The following TUBGCP2 variants were observed in gnomAD, a reference collection of about 807,000 sequenced individuals.
TUBGCP2 encodes the protein gamma-tubulin complex component 2.
Under a neutral mutation model 92.2 loss-of-function variants are expected in TUBGCP2, and 55 were observed. The observed-to-expected ratio is 0.60, with a 90% CI of 0.48 to 0.75. The LOEUF (loss-of-function observed/expected upper bound fraction) is 0.75, where lower values mean the gene tolerates loss of function less well. TUBGCP2 is among the 30% of genes least tolerant of loss of function. TUBGCP2 has a pLI of 0.00. For missense variants in TUBGCP2, 1,093 were observed against 1,188.9 expected, an observed-to-expected ratio of 0.92 and a Z score of 1.19; for synonymous variants, 533 against 505.2, an observed-to-expected ratio of 1.06 and a Z score of -0.74.
intron 7 of TUBGCP2, 149 bp downstream of exon 7, chr10:133,292,890 A>G: frequency 9.1e-7 from 1 of 1,095,544 alleles, no homozygotes; most frequent in East Asian, 2.6e-5. Flanking sequence ...CTTGCAAGTT[A>G]ATAGCACATG....
intron 1 of TUBGCP2, chr10:133,308,603 C>T (rs2136148229): frequency 5.8e-6 from 1 of 170,960 alleles, no homozygotes; most frequent in African/African-American, 2.4e-5. Flanking sequence ...GCCCGCTCCG[C>T]CCCGCCCCGG....
Position 133,288,837 on chromosome 10 carries a change from C to A in TUBGCP2, c.1541+3G>T. The A allele has an allele frequency of 1.2e-6, 2 of 1,606,668 alleles. No homozygotes were observed. Among genetic ancestry groups the A allele is most frequent in the East Asian group, 2.2e-5 (1 of 44,512 alleles). On this transcript the variant is annotated splice_donor_region_variant and intron_variant, in intron 10 of 17. Coordinates refer to ENST00000252936, the MANE Select transcript of TUBGCP2 (RefSeq NM_006659.4). ...CCCGCACAGGGACAGGGCACGGAAT[C>A]ACCTGAGGTGAGCCACCAGCTCCTT...
At chr10:133,309,710 G>T, upstream of TUBGCP2, 3 of 1,574,732 alleles carry the variant, frequency 1.9e-6, no homozygotes, top group Non-Finnish European at 2.6e-6. Context: ...AAGGGAAACT[G>T]TGCAGAAAGT....
chr10:133,300,988 G>A (rs1011465138), intron 2 of TUBGCP2, among the ~76,000 whole-genome samples: 3 of 152,074 alleles, frequency 2.0e-5, no homozygotes, highest in African/African-American at 7.3e-5. Flanking sequence ...TTGTACTGGA[G>A]AGTAGCGACT....
intron 9 of TUBGCP2, among the ~76,000 whole-genome samples, chr10:133,289,611 G>A (rs1016745530): frequency 2.0e-5 from 3 of 152,184 alleles, no homozygotes; most frequent in African/African-American, 4.8e-5. Flanking sequence ...GAAACCTGAG[G>A]GAACCTGGCA....
chr10:133,280,577 G>A (rs1846941359), intron 17 of TUBGCP2, among the ~76,000 whole-genome samples: 1 of 152,216 alleles, frequency 6.6e-6, no homozygotes, highest in East Asian at 1.9e-4. Context: ...CAGCCGCAGG[G>A]TGCCAATGGG....
chr10:133,285,349 G>T lies in TUBGCP2; in HGVS notation c.1895+107C>A. 1 of 1,588,434 alleles carries T rather than the reference G, an allele frequency of 6.3e-7. No homozygotes were observed. Among genetic ancestry groups the T allele is most frequent in the Non-Finnish European group, 8.6e-7 (1 of 1,168,662 alleles). Reference sequence around the variant, plus strand: ...TCTCGGACACTGAAGGCCGGGGAGAGCCGCCTTGGGTCCTCTGTGGGACGA... The same window carrying T: ...TCTCGGACACTGAAGGCCGGGGAGATCCGCCTTGGGTCCTCTGTGGGACGA... On this transcript the variant is annotated intron_variant, in intron 12 of 17. Transcript: ENST00000252936. The surrounding 1 kb of genome is among the most constrained non-coding windows in gnomAD (Gnocchi z 6.8).
At chr10:133,283,604 C>T (rs1237765956) in intron 14 of TUBGCP2, among the ~76,000 whole-genome samples, 1 of 137,310 alleles carries the variant, frequency 7.3e-6, no homozygotes, top group Admixed American at 6.9e-5. Context: ...AGTGTGGGTG[C>T]AGCCCCGCCC....
chr10:133,292,836 G>A, intron 7 of TUBGCP2, 148 bp from the exon 8 acceptor site: 1 of 1,164,154 alleles, frequency 8.6e-7, no homozygotes, highest in South Asian at 1.6e-5. Flanking sequence ...TAAGGTTGTA[G>A]TTGCTGATTT....
intron 5 of TUBGCP2, among the ~76,000 whole-genome samples, chr10:133,296,997 T>C (rs973150941): frequency 2.0e-5 from 3 of 152,134 alleles, no homozygotes; most frequent in Admixed American, 6.5e-5. Context: ...CCGTGAGTAG[T>C]GGGGAAGCAG....
chr10:133,283,708 A>T lies in TUBGCP2; in HGVS notation c.2145+174T>A, dbSNP rs796841076. Among the ~76,000 whole-genome samples the T allele has an allele frequency of 2.2e-3, 42 of 18,884 alleles. No homozygotes were observed. In the East Asian group the frequency reaches 0.043, roughly 19 times the overall value. The allele number at this position is 18,884 out of a possible 152,430, so 12.4% of individuals were successfully genotyped here. On this transcript the variant is annotated intron_variant, in intron 14 of 17. Transcript: ENST00000252936. ...CTCCCGCATTCCCTGCCTCTCCCGC[A>T]CGCCCTGCCTCTCCCGCACTCCCTG...
upstream of TUBGCP2, chr10:133,310,542 G>T (rs761291642): frequency 8.5e-5 from 44 of 518,220 alleles, no homozygotes; most frequent in Non-Finnish European, 1.4e-4. Flanking sequence ...AGGGGGTGTG[G>T]GAATGAGCGG....
intron 5 of TUBGCP2, chr10:133,295,325 C>CAGT (rs1038615097): frequency 1.3e-5 from 2 of 152,296 alleles, no homozygotes; most frequent in African/African-American, 4.8e-5. Flanking sequence ...TGCACACCTG[C>CAGT]AGTCCCAGCT....
chr10:133,288,834 A>T lies in TUBGCP2; in HGVS notation c.1541+6T>A. 6.2e-7 allele frequency: 1 copy of T among 1,603,526 alleles called. No individual in the cohort carries two copies. Among genetic ancestry groups the T allele is most frequent in the African/African-American group, 1.3e-5 (1 of 74,792 alleles). On this transcript the variant is annotated splice_donor_region_variant and intron_variant, in intron 10 of 17. Coordinates refer to ENST00000252936, the MANE Select transcript of TUBGCP2 (RefSeq NM_006659.4). ...GTGCCCGCACAGGGACAGGGCACGG[A>T]ATCACCTGAGGTGAGCCACCAGCTC...
chr10:133,291,208 G>GCC (rs1428029918), intron 8 of TUBGCP2, among the ~76,000 whole-genome samples: 1 of 151,198 alleles, frequency 6.6e-6, no homozygotes, highest in African/African-American at 2.4e-5. Context: ...GCAAAGGAAG[G>GCC]CCAGAGCCCC....
At chr10:133,309,305 C>T (rs562909936), upstream of TUBGCP2, 10 of 1,500,088 alleles carry the variant, frequency 6.7e-6, no homozygotes, top group African/African-American at 5.5e-5. Flanking sequence ...CGCGGGATGA[C>T]TGGGGCCACG....
chr10:133,306,937 G>A (rs1479221737), intron 1 of TUBGCP2, among the ~76,000 whole-genome samples: 1 of 152,182 alleles, frequency 6.6e-6, no homozygotes, highest in African/African-American at 2.4e-5. Flanking sequence ...CCTCCAAGAG[G>A]GCAGCCCGTA....
chr10:133,302,697 C>A lies in TUBGCP2; in HGVS notation c.150+95G>T, dbSNP rs1847700686. 3 of 1,542,418 alleles carry A rather than the reference C, an allele frequency of 1.9e-6. No homozygotes were observed. In the East Asian group the frequency reaches 6.8e-5, roughly 35 times the overall value. ...ACCCTGACCCAGGAACGGCGCTCAC[C>A]CTGCACCCTGACCCAGGGGTGGGCT... On this transcript the variant is annotated intron_variant, in intron 2 of 17. Transcript: ENST00000252936.
intron 1 of TUBGCP2, 62 bp downstream of exon 1, chr10:133,308,761 C>G (rs1450589952): frequency 2.8e-6 from 1 of 352,234 alleles, no homozygotes; most frequent in Non-Finnish European, 5.0e-6. Flanking sequence ...GTGGGCCCCC[C>G]CGGGCCTGGC....
Sources: gnomAD v4.1 joint callset for allele counts (sites outside exome capture counted in the v4.1 genomes callset) on GRCh38, gnomAD v4.1.1 for gene constraint, Gnocchi (gnomAD v3.1) non-coding constraint, MANE v1.5 for transcripts, NCBI Gene and HGNC (gene_info 2026-07-23, HGNC 2026-07-21) for gene names.